Variants in NEXMIF observed in about 807,000 individuals in gnomAD.
NEXMIF encodes XLMR protein related to neurite extension.
A neutral mutation model predicts 62.1 loss-of-function variants in NEXMIF; 8 were observed. The observed-to-expected ratio is 0.13, with a 90% CI of 0.08 to 0.23. The LOEUF is 0.23. Ranked by LOEUF, NEXMIF falls within the 10% of genes least tolerant of loss-of-function variation. NEXMIF has a pLI of 1.00. For synonymous variants in NEXMIF, 404 were observed against 416.6 expected (o/e 0.97, Z 0.37); for missense variants, 976 against 1,113.3 (o/e 0.88, Z 1.75).
chrX:74,919,257 C>T (rs2080817983), intron 1 of NEXMIF, among the ~76,000 whole-genome samples: 1 of 111,589 alleles, frequency 9.0e-6, no homozygotes, highest in Non-Finnish European at 1.9e-5. Context: ...CCTTTGGAGC[C>T]AATAATCCAA....
At chrX:74,826,296 G>A (rs973687895) in intron 1 of NEXMIF, among the ~76,000 whole-genome samples, 7 of 111,510 alleles carry the variant, frequency 6.3e-5, no homozygotes, top group African/African-American at 2.0e-4. Flanking sequence ...TATGATTGCT[G>A]GCCACATGTA....
intron 1 of NEXMIF, among the ~76,000 whole-genome samples, chrX:74,829,471 G>A (rs2080429014): frequency 8.9e-6 from 1 of 112,197 alleles, no homozygotes; most frequent in African/African-American, 3.2e-5. Flanking sequence ...CACTTAGGTT[G>A]CTTCCAAATC....
At chrX:74,920,196 G>A (rs1368798181) in intron 1 of NEXMIF, among the ~76,000 whole-genome samples, 1,166 of 110,637 alleles carry the variant, frequency 0.011, 18 homozygotes, top group African/African-American at 0.035. Context: ...CTGAGGAATC[G>A]CCACACTGAC....
Position 74,743,612 on chromosome X carries a change from T to C in NEXMIF, c.945A>G (p.Glu315=). 8.3e-7 allele frequency: 1 copy of C among 1,211,462 alleles called. No homozygotes were observed. Among genetic ancestry groups the C allele is most frequent in the Non-Finnish European group, 1.1e-6 (1 of 895,404 alleles). ...TGTCTCGAACATTGTCCTGAAAGGA[T>C]TCATATCGAATTTTCAGGGAGCAGA... ...SDVCSLKIRY[E]SFQDNVRDKT... is the part of the protein sequence containing the mutation. The change falls in exon 3 of 4, where the codon GAA becomes GAG. Residue 315 remains glutamate, a synonymous_variant. Coordinates refer to ENST00000055682, the MANE Select transcript of NEXMIF (RefSeq NM_001008537.3).
chrX:74,921,260 C>T (rs2080826082), intron 1 of NEXMIF, among the ~76,000 whole-genome samples: 1 of 110,699 alleles, frequency 9.0e-6, no homozygotes, highest in South Asian at 3.9e-4. Context: ...AATGAAGGTC[C>T]TCACGCCTAC....
chrX:74,857,842 G>A (rs896495618), intron 1 of NEXMIF, among the ~76,000 whole-genome samples: 2 of 111,713 alleles, frequency 1.8e-5, no homozygotes, highest in African/African-American at 6.5e-5. Flanking sequence ...AGAGCCCTTG[G>A]GCTTCAAGTG....
intron 1 of NEXMIF, among the ~76,000 whole-genome samples, chrX:74,792,171 T>G (rs1207738485): frequency 2.7e-5 from 3 of 111,397 alleles, no homozygotes; most frequent in African/African-American, 9.8e-5. Flanking sequence ...TCTGGTATGT[T>G]GTGTCTTTGT....
intron 1 of NEXMIF, among the ~76,000 whole-genome samples, chrX:74,896,492 C>A (rs2080733252): frequency 8.9e-6 from 1 of 112,428 alleles, no homozygotes; most frequent in Non-Finnish European, 1.9e-5. Flanking sequence ...TCTGTACATA[C>A]TACAATTTCT....
intron 1 of NEXMIF, among the ~76,000 whole-genome samples, chrX:74,825,366 C>T (rs2080412082): frequency 9.0e-6 from 1 of 111,263 alleles, no homozygotes. Flanking sequence ...GTTATTTCTC[C>T]TGATCCTCTC....
chrX:74,797,875 C>T (rs1420734378), intron 1 of NEXMIF, among the ~76,000 whole-genome samples: 12 of 112,061 alleles, frequency 1.1e-4, no homozygotes, highest in Non-Finnish European at 2.3e-4. Flanking sequence ...GAGATGGGTT[C>T]AGTAAGAAGA....
intron 1 of NEXMIF, among the ~76,000 whole-genome samples, chrX:74,811,599 T>G (rs2147474978): frequency 8.9e-6 from 1 of 112,822 alleles, no homozygotes; most frequent in Admixed American, 9.4e-5. Flanking sequence ...CAGTCTAGAC[T>G]GAAGAGACTA....
chrX:74,910,490 A>G (rs2080785462), intron 1 of NEXMIF, among the ~76,000 whole-genome samples: 1 of 112,113 alleles, frequency 8.9e-6, no homozygotes, highest in Admixed American at 9.4e-5. Flanking sequence ...TTTTGACTTT[A>G]CAGGCTCATA....
intron 1 of NEXMIF, among the ~76,000 whole-genome samples, chrX:74,863,309 CA>C (rs1300607091): frequency 1.8e-5 from 2 of 110,416 alleles, no homozygotes; most frequent in Admixed American, 1.9e-4. Context: ...GATAGAGACA[CA>C]AAAAACTGTT....
intron 1 of NEXMIF, among the ~76,000 whole-genome samples, chrX:74,795,390 T>C (rs958221192): frequency 1.1e-4 from 12 of 112,411 alleles, no homozygotes; most frequent in Admixed American, 9.4e-4. Context: ...TCACACAACA[T>C]GAATGAGTCT....
chrX:74,803,865 G>A (rs1158929530), intron 1 of NEXMIF, among the ~76,000 whole-genome samples: 1 of 111,138 alleles, frequency 9.0e-6, no homozygotes, highest in Non-Finnish European at 1.9e-5. Context: ...AACAAAAGCT[G>A]AGGAATTTCA....
chrX:74,791,809 G>T (rs1602228996), intron 1 of NEXMIF, among the ~76,000 whole-genome samples: 1 of 110,190 alleles, frequency 9.1e-6, no homozygotes. Flanking sequence ...TATTTCTGTG[G>T]GATCAGTGGT....
chrX:74,805,262 T>C (rs958000181), intron 1 of NEXMIF, among the ~76,000 whole-genome samples: 1 of 112,190 alleles, frequency 8.9e-6, no homozygotes, highest in Non-Finnish European at 1.9e-5. Context: ...TGTGTGTACA[T>C]AATTGTTAAA....
chrX:74,905,494 C>A (rs190223690), intron 1 of NEXMIF, among the ~76,000 whole-genome samples: 3 of 112,285 alleles, frequency 2.7e-5, no homozygotes, highest in Non-Finnish European at 5.6e-5. Context: ...CTAGTCTTTT[C>A]AATACTTTTA....
At chrX:74,921,345 G>A (rs962665083) in intron 1 of NEXMIF, among the ~76,000 whole-genome samples, 2 of 110,801 alleles carry the variant, frequency 1.8e-5, no homozygotes, top group Non-Finnish European at 3.8e-5. Flanking sequence ...CCCAACTGAC[G>A]ACACCCCAGA....
Sources: gnomAD v4.1 joint callset for allele counts (sites outside exome capture counted in the v4.1 genomes callset) on GRCh38, gnomAD v4.1.1 for gene constraint, MANE v1.5 for transcripts, NCBI Gene and HGNC (gene_info 2026-07-23, HGNC 2026-07-21) for gene names.